Variants in ANPEP observed in about 807,000 individuals in gnomAD.
ANPEP encodes alanyl aminopeptidase, membrane.
A neutral mutation model predicts 114.6 loss-of-function variants in ANPEP; 70 were observed. The observed-to-expected ratio is 0.61, with a 90% CI of 0.50 to 0.75. The LOEUF (loss-of-function observed/expected upper bound fraction) is 0.75, where lower values mean the gene tolerates loss of function less well. Ranked by LOEUF, ANPEP falls within the 30% of genes least tolerant of loss-of-function variation. The pLI is 0.00. For synonymous variants in ANPEP, 548 were observed against 522.3 expected, an observed-to-expected ratio of 1.05 and a Z score of -0.67; for missense variants, 1,184 against 1,259.5, an observed-to-expected ratio of 0.94 and a Z score of 0.91.
rs1704066313 is a variant in ANPEP at position 89,806,825 on chromosome 15, G to A, written c.-223-19C>T. The A allele has an allele frequency of 1.8e-6, 1 of 564,352 alleles. No individual in the cohort carries two copies. Among genetic ancestry groups the A allele is most frequent in the Non-Finnish European group, 3.0e-6 (1 of 333,782 alleles). 35.0% of individuals were successfully genotyped at this position (564,352 alleles called of 1,614,324 possible). ...GGGGTGCCTGCTGGAAGCAAACAGT[G>A]TCTGGTTACAGGCTGCAGGCGGCCT... On this transcript the variant is annotated intron_variant, in intron 1 of 20. Coordinates refer to ENST00000300060, the MANE Select transcript of ANPEP (RefSeq NM_001150.3). This position sits in a 1 kb window ranked among gnomAD's most constrained non-coding sequence, Gnocchi z 5.7.
intron 1 of ANPEP, among the ~76,000 whole-genome samples, chr15:89,809,779 G>GA (rs1260114876): frequency 2.6e-5 from 4 of 152,252 alleles, no homozygotes; most frequent in Non-Finnish European, 2.9e-5. Flanking sequence ...CCTGCAGAGT[G>GA]AAACCTTAAC....
intron 20 of ANPEP, 116 bp downstream of exon 20, chr15:89,790,344 A>G: frequency 2.4e-6 from 2 of 827,736 alleles, no homozygotes; most frequent in South Asian, 1.5e-5. Context: ...GTAAATGAGG[A>G]AGGCCTGGCG....
rs540106895 is a variant in ANPEP at position 89,792,633 on chromosome 15, C to T, written c.2250-71G>A. 3.5e-5 allele frequency: 48 copies of T among 1,370,018 alleles called. No individual in the cohort carries two copies. In the African/African-American group the frequency reaches 5.3e-4, roughly 15 times the overall value. 84.9% of individuals were successfully genotyped at this position (1,370,018 alleles called of 1,614,324 possible). A position where few individuals can be genotyped will look rare whatever the true frequency, so the allele number is the denominator to read the frequency against. On this transcript the variant is annotated intron_variant, in intron 16 of 20. Transcript: ENST00000300060. ...CCAAGATTCACCTCTTGACACACAA[C>T]CCCAGGCCGGCACCCTGCCTAAGGC...
intron 1 of ANPEP, among the ~76,000 whole-genome samples, chr15:89,807,985 T>C (rs1596171352): frequency 6.6e-6 from 1 of 152,080 alleles, no homozygotes; most frequent in Non-Finnish European, 1.5e-5. Flanking sequence ...CCCTATGGAC[T>C]CCCTGCCTCC....
chr15:89,790,141 A>AAG (rs1555440280), intron 20 of ANPEP, among the ~76,000 whole-genome samples: 9 of 151,248 alleles, frequency 6.0e-5, no homozygotes, highest in Admixed American at 5.9e-4. Context: ...AAATTACATG[A>AAG]TCAGTGATTT....
At chr15:89,789,172 G>A (rs1010288410) in intron 20 of ANPEP, among the ~76,000 whole-genome samples, 1 of 151,496 alleles carries the variant, frequency 6.6e-6, no homozygotes, top group Non-Finnish European at 1.5e-5. Context: ...TAGAGACAGG[G>A]TTTCACCATG....
chr15:89,808,142 C>T (rs1429571826), intron 1 of ANPEP, among the ~76,000 whole-genome samples: 1 of 152,186 alleles, frequency 6.6e-6, no homozygotes, highest in Non-Finnish European at 1.5e-5. Context: ...CATTTCCTGG[C>T]CTCTTCCCCC....
rs1477411536 is a variant in ANPEP, at chr15:89,799,324, C to T, written c.1954-9G>A. The T allele has an allele frequency of 3.7e-6, 6 of 1,614,020 alleles. No homozygotes were observed. The highest frequency in any genetic ancestry group is 3.3e-5 in the Admixed American group (2 of 60,008). ...TTGATGACAGGGATGGCCTAGAATGCGAAGCACAGCATGTGACCATGGGTT... is the reference window on the plus strand; with the variant it reads ...TTGATGACAGGGATGGCCTAGAATGTGAAGCACAGCATGTGACCATGGGTT... On this transcript the variant is annotated splice_polypyrimidine_tract_variant and intron_variant, in intron 13 of 20. Transcript: ENST00000300060. The surrounding 1 kb of genome is among the most constrained non-coding windows in gnomAD (Gnocchi z 4.2).
At position 89,810,475 on chromosome 15, in the gene ANPEP, G is replaced by A. The variant is rs184030638; in HGVS notation, c.-223-3669C>T. ...AGTCCCAGCTACTTGGGGGGCTGAG[G>A]CGGAAGAATCGCTCGAACCCAAGAG... On this transcript the variant is annotated intron_variant, in intron 1 of 20. Transcript: ENST00000300060. Among the ~76,000 whole-genome samples the A allele has an allele frequency of 1.5e-3, 236 of 152,292 alleles. 1 individual carries two copies. The highest frequency in any genetic ancestry group is 5.5e-3 in the African/African-American group (229 of 41,576).
intron 14 of ANPEP, 71 bp from the exon 15 acceptor site, chr15:89,797,793 C>T (rs1394544006): frequency 6.2e-7 from 1 of 1,601,558 alleles, no homozygotes; most frequent in Non-Finnish European, 8.5e-7. Flanking sequence ...AACCCCAACC[C>T]AGGCCCTCAA....
chr15:89,803,710 G>C lies in ANPEP; in HGVS notation c.1374C>G (p.Pro458=). The part of the protein sequence containing the change: ...ALASSHPLST[P]ASEINTPAQI... ...GGGCCGGCGTGTTGATCTCCGAGGCGGGTGTGGACAGCGGGTGGGAGGAGG... is the reference window on the plus strand; with the variant it reads ...GGGCCGGCGTGTTGATCTCCGAGGCCGGTGTGGACAGCGGGTGGGAGGAGG... Residue 458 remains proline (P), a synonymous_variant, in exon 8 of 21, where the codon CCC becomes CCG. Coordinates refer to ENST00000300060, the MANE Select transcript of ANPEP (RefSeq NM_001150.3). The surrounding 1 kb of genome is among the most constrained non-coding windows in gnomAD (Gnocchi z 4.2). The C allele has an allele frequency of 6.2e-7, 1 of 1,612,824 alleles. No homozygotes were observed. Among genetic ancestry groups the C allele is most frequent in the Non-Finnish European group, 8.5e-7 (1 of 1,179,400 alleles).
rs796138261 is a variant in ANPEP, at chr15:89,814,372, C to A, written c.-224+400G>T. The stretch of plus-strand genomic sequence containing the variant: ...GCGGGCCGGGTTCGCCCTTTGCCTT[C>A]GGCCGCGCCCCACCCACCAGGGACA... On this transcript the variant is annotated intron_variant, in intron 1 of 20. Coordinates refer to ENST00000300060, the MANE Select transcript of ANPEP (RefSeq NM_001150.3). Among the ~76,000 whole-genome samples, 229 of 152,232 alleles carry A rather than the reference C, an allele frequency of 1.5e-3. 1 individual carries two copies. Among genetic ancestry groups the A allele is most frequent in the African/African-American group, 5.3e-3 (220 of 41,566 alleles).
At position 89,799,592 on chromosome 15, in the gene ANPEP, C is replaced by T. The variant is rs778750693; in HGVS notation, c.1820-33G>A. On this transcript the variant is annotated intron_variant, in intron 12 of 20. Coordinates refer to ENST00000300060, the MANE Select transcript of ANPEP (RefSeq NM_001150.3). The surrounding 1 kb of genome is among the most constrained non-coding windows in gnomAD (Gnocchi z 4.2). ...GAGGGACGAGACCTGGGCAGGGCTGCTCAGAGGCCATGGGCTGACCCCTGG... is the reference window on the plus strand; with the variant it reads ...GAGGGACGAGACCTGGGCAGGGCTGTTCAGAGGCCATGGGCTGACCCCTGG... 1.2e-4 allele frequency: 194 copies of T among 1,613,780 alleles called. No individual in the cohort carries two copies. Among genetic ancestry groups the T allele is most frequent in the Non-Finnish European group, 1.6e-4 (185 of 1,179,922 alleles).
chr15:89,793,993 T>C (rs1314557596), intron 15 of ANPEP, among the ~76,000 whole-genome samples: 1 of 152,100 alleles, frequency 6.6e-6, no homozygotes. Context: ...TGGATCCACG[T>C]CCAAATGTAA....
At chr15:89,787,258 G>C (rs888217661) in intron 20 of ANPEP, among the ~76,000 whole-genome samples, 5 of 151,956 alleles carry the variant, frequency 3.3e-5, no homozygotes, top group African/African-American at 1.2e-4. Flanking sequence ...TCTTGGCCAG[G>C]CTGGTCTTGA....
intron 20 of ANPEP, 138 bp downstream of exon 20, chr15:89,790,322 T>G (rs566768781): frequency 3.7e-5 from 25 of 677,600 alleles, no homozygotes; most frequent in Non-Finnish European, 6.1e-5. Context: ...GTCTGGCTAC[T>G]CGGCTTCCTC....
At chr15:89,800,894 T>C (rs535685822) in intron 12 of ANPEP, among the ~76,000 whole-genome samples, 32 of 152,334 alleles carry the variant, frequency 2.1e-4, no homozygotes, top group African/African-American at 7.5e-4. Flanking sequence ...AATGGAGTAT[T>C]GCTCTTAGCC....
In ANPEP at chr15:89,803,516, G is replaced by A. The variant is rs1270864832; in HGVS notation, c.1438-9C>T. On this transcript the variant is annotated splice_polypyrimidine_tract_variant and intron_variant, in intron 8 of 20. Transcript: ENST00000300060. The surrounding 1 kb of genome is among the most constrained non-coding windows in gnomAD (Gnocchi z 4.2). ...CTGAGGACTGAGGCGCCCTGGGGTGGGGGTGAGGGGGCGCTCAGAAGGCTG... is the reference window on the plus strand; with the variant it reads ...CTGAGGACTGAGGCGCCCTGGGGTGAGGGTGAGGGGGCGCTCAGAAGGCTG... 7 of 1,606,486 alleles carry A rather than the reference G, an allele frequency of 4.4e-6. No individual in the cohort carries two copies. Among genetic ancestry groups the A allele is most frequent in the Non-Finnish European group, 5.9e-6 (7 of 1,178,700 alleles).
At chr15:89,802,938 G>A (rs924165442) in intron 10 of ANPEP, among the ~76,000 whole-genome samples, 2 of 152,070 alleles carry the variant, frequency 1.3e-5, no homozygotes, top group Admixed American at 6.5e-5. Context: ...AGGCAGAGGC[G>A]GGAACCATGA....
Sources: gnomAD v4.1 joint callset for allele counts (sites outside exome capture counted in the v4.1 genomes callset) on GRCh38, gnomAD v4.1.1 for gene constraint, Gnocchi (gnomAD v3.1) non-coding constraint, MANE v1.5 for transcripts, NCBI Gene and HGNC (gene_info 2026-07-23, HGNC 2026-07-21) for gene names.